The following EIF4EBP1 variants were observed in gnomAD, a reference collection of about 807,000 sequenced individuals.
EIF4EBP1 encodes eukaryotic translation initiation factor 4E binding protein 1.
A neutral mutation model predicts 9.2 loss-of-function variants in EIF4EBP1; 5 were observed. The ratio of observed to expected loss-of-function variants is 0.54; its 90% confidence interval spans 0.28 to 1.14. EIF4EBP1 has a LOEUF of 1.14. Ranked by LOEUF, EIF4EBP1 falls within the 50% of genes most tolerant of loss-of-function variation. The pLI is 0.09. For synonymous variants in EIF4EBP1, 62 were observed against 67.0 expected (o/e 0.93, Z 0.36); for missense variants, 139 against 169.6 (o/e 0.82, Z 1.00).
chr8:38,056,095 AATCCTCCCGTCTC>A (rs1168887902), intron 1 of EIF4EBP1, among the ~76,000 whole-genome samples: 3 of 151,936 alleles, frequency 2.0e-5, no homozygotes, highest in Non-Finnish European at 4.4e-5. Context: ...GGGCTCAAGC[AATCCTCCCGTCTC>A]AGCTTCCCGA....
At chr8:38,031,409 T>A (rs1371630193) in intron 1 of EIF4EBP1, among the ~76,000 whole-genome samples, 1 of 152,156 alleles carries the variant, frequency 6.6e-6, no homozygotes, top group Non-Finnish European at 1.5e-5. Flanking sequence ...GAAGCTGAGC[T>A]GGCACGGGTG....
chr8:38,031,296 G>T (rs1454005986), intron 1 of EIF4EBP1, among the ~76,000 whole-genome samples: 1 of 152,154 alleles, frequency 6.6e-6, no homozygotes, highest in African/African-American at 2.4e-5. Flanking sequence ...CTCCGCGGGG[G>T]GGACCCTGGC....
chr8:38,032,467 T>C (rs1809238431), intron 1 of EIF4EBP1, among the ~76,000 whole-genome samples: 1 of 152,138 alleles, frequency 6.6e-6, no homozygotes. Flanking sequence ...ACCACTGCAC[T>C]CCAGCCTGGG....
chr8:38,057,596 A>C (rs1175121006), intron 2 of EIF4EBP1, among the ~76,000 whole-genome samples: 1 of 152,242 alleles, frequency 6.6e-6, no homozygotes, highest in African/African-American at 2.4e-5. Flanking sequence ...TCTCTGAAGC[A>C]TTTCCACTTG....
intron 2 of EIF4EBP1, 145 bp downstream of exon 2, chr8:38,057,405 G>GT: frequency 9.8e-7 from 1 of 1,022,440 alleles, no homozygotes; most frequent in East Asian, 2.7e-5. Flanking sequence ...AGCCCAGAGG[G>GT]TGAGAGTAGG....
chr8:38,051,982 T>C (rs769185577), intron 1 of EIF4EBP1, among the ~76,000 whole-genome samples: 5 of 152,174 alleles, frequency 3.3e-5, no homozygotes, highest in Non-Finnish European at 5.9e-5. Flanking sequence ...AACCTTGGCC[T>C]CCCAAACTGT....
chr8:38,053,217 C>T (rs894549433), intron 1 of EIF4EBP1, among the ~76,000 whole-genome samples: 14 of 151,204 alleles, frequency 9.3e-5, no homozygotes, highest in Non-Finnish European at 1.6e-4. Flanking sequence ...AGGGTTTCAC[C>T]GTGTTGACCA....
At chr8:38,042,133 G>A (rs1453752594) in intron 1 of EIF4EBP1, among the ~76,000 whole-genome samples, 1 of 152,136 alleles carries the variant, frequency 6.6e-6, no homozygotes, top group East Asian at 1.9e-4. Flanking sequence ...TGCAGGCCAG[G>A]CTTTGGGAAC....
intron 1 of EIF4EBP1, among the ~76,000 whole-genome samples, chr8:38,046,861 C>T (rs912427267): frequency 3.9e-5 from 6 of 152,144 alleles, no homozygotes; most frequent in South Asian, 2.1e-4. Context: ...AGTTCAAGAC[C>T]GAACCTTGAA....
At position 38,035,709 on chromosome 8, in the gene EIF4EBP1, AT is replaced by A. The variant is rs199567515; in HGVS notation, c.145+4994del. Among the ~76,000 whole-genome samples the A allele has an allele frequency of 7.7e-3, 1,162 of 149,946 alleles. 12 individuals carry two copies. The highest frequency in any genetic ancestry group is 0.027 in the African/African-American group (1,083 of 40,848). ...CAGCTAATTATTTATTTATTTATTT[AT>A]TTATTATTATTTTCCTCAAGATGGA... On this transcript the variant is annotated intron_variant, in intron 1 of 2. Transcript: ENST00000338825.
intron 1 of EIF4EBP1, among the ~76,000 whole-genome samples, chr8:38,039,737 G>C (rs1427691743): frequency 6.6e-6 from 1 of 152,138 alleles, no homozygotes; most frequent in Non-Finnish European, 1.5e-5. Context: ...TATTTTCTAT[G>C]TATGGTGGAT....
At chr8:38,054,048 A>T (rs1809559471) in intron 1 of EIF4EBP1, among the ~76,000 whole-genome samples, 1 of 152,162 alleles carries the variant, frequency 6.6e-6, no homozygotes, top group South Asian at 2.1e-4. Flanking sequence ...TTAAAAAGTC[A>T]CCAGGGGCTG....
intron 2 of EIF4EBP1, among the ~76,000 whole-genome samples, chr8:38,058,625 A>G (rs949715832): frequency 2.0e-5 from 3 of 152,220 alleles, no homozygotes; most frequent in Non-Finnish European, 4.4e-5. Flanking sequence ...AAGACTTAAC[A>G]CGTTGCAGTC....
chr8:38,043,716 C>G (rs887516317), intron 1 of EIF4EBP1, among the ~76,000 whole-genome samples: 2 of 152,108 alleles, frequency 1.3e-5, no homozygotes, highest in Non-Finnish European at 2.9e-5. Context: ...GGCTGCCGAT[C>G]GTCCCCATCT....
chr8:38,033,350 G>A (rs962605185), intron 1 of EIF4EBP1, among the ~76,000 whole-genome samples: 2 of 151,934 alleles, frequency 1.3e-5, no homozygotes, highest in African/African-American at 4.8e-5. Context: ...TTACAGGCGT[G>A]AGTCACCATG....
Position 38,033,833 on chromosome 8 carries a change from G to A in EIF4EBP1, c.145+3115G>A, listed in dbSNP as rs557210680. On this transcript the variant is annotated intron_variant, in intron 1 of 2. Transcript: ENST00000338825. Reference sequence around the variant, plus strand: ...GAGATCTTGGCTCACTGCAAGCTCCGCCTCCCGGGTTCACGCCATTCTCTT... The same window carrying A: ...GAGATCTTGGCTCACTGCAAGCTCCACCTCCCGGGTTCACGCCATTCTCTT... Among the ~76,000 whole-genome samples the A allele has an allele frequency of 6.4e-4, 86 of 135,214 alleles. 2 individuals are homozygous for A. Among genetic ancestry groups the A allele is most frequent in the African/African-American group, 2.2e-3 (81 of 36,124 alleles). 88.7% of individuals were successfully genotyped at this position (135,214 alleles called of 152,430 possible). A position where few individuals can be genotyped will look rare whatever the true frequency, so the allele number is the denominator to read the frequency against.
chr8:38,059,125 A>G (rs1220844316), intron 2 of EIF4EBP1, among the ~76,000 whole-genome samples: 1 of 152,158 alleles, frequency 6.6e-6, no homozygotes. Context: ...ACGAAATGAT[A>G]TAGTCTGGAT....
intron 2 of EIF4EBP1, among the ~76,000 whole-genome samples, chr8:38,059,688 G>C (rs374232879): frequency 6.6e-6 from 1 of 151,508 alleles, no homozygotes; most frequent in African/African-American, 2.4e-5. Context: ...CCCAGGAGGC[G>C]GAGGTTGCAG....
chr8:38,045,471 G>A (rs1401648950), intron 1 of EIF4EBP1, among the ~76,000 whole-genome samples: 2 of 151,790 alleles, frequency 1.3e-5, no homozygotes, highest in African/African-American at 4.8e-5. Context: ...TTGGGAGGCC[G>A]AGGTGGGGGG....
Sources: allele counts gnomAD v4.1 joint callset (sites outside exome capture counted in the v4.1 genomes callset), GRCh38; gene constraint gnomAD v4.1.1; transcripts MANE v1.5; gene names NCBI Gene and HGNC (gene_info 2026-07-23, HGNC 2026-07-21).